GABRB1: variants seen among roughly 807,000 people sequenced by gnomAD.
GABRB1 encodes gamma-aminobutyric acid receptor subunit beta-1.
GABRB1 carries 17 observed loss-of-function variants against 51.6 expected under a neutral mutation model. The ratio of observed to expected loss-of-function variants is 0.33; its 90% CI spans 0.23 to 0.49. GABRB1 has a LOEUF of 0.49. Among genes scored for constraint, GABRB1 ranks in the 20% least tolerant of loss-of-function variants. The probability of loss-of-function intolerance (pLI) is 0.99; values close to 1 mark genes in which losing one functional copy is unlikely to be tolerated. For missense variants in GABRB1, 410 were observed against 600.6 expected, an observed-to-expected ratio of 0.68 and a Z score of 3.32; for synonymous variants, 247 against 218.9, an observed-to-expected ratio of 1.13 and a Z score of -1.14.
At chr4:47,418,985 A>C (rs1015333760) in intron 8 of GABRB1, among the ~76,000 whole-genome samples, 2 of 152,240 alleles carry the variant, frequency 1.3e-5, no homozygotes, top group African/African-American at 2.4e-5. Flanking sequence ...GCACAAAATC[A>C]CAAACTGGTC....
At chr4:47,353,420 ATTG>A (rs1456623146) in intron 5 of GABRB1, among the ~76,000 whole-genome samples, 10 of 152,224 alleles carry the variant, frequency 6.6e-5, no homozygotes, top group Middle Eastern at 6.3e-3. Context: ...TTGCTAACTT[ATTG>A]TTAAGGTAAA....
chr4:47,039,044 T>G (rs1474787714), intron 3 of GABRB1, among the ~76,000 whole-genome samples: 1 of 152,122 alleles, frequency 6.6e-6, no homozygotes, highest in Non-Finnish European at 1.5e-5. Flanking sequence ...ATAGTAGCAT[T>G]TAACAATCTA....
intron 3 of GABRB1, among the ~76,000 whole-genome samples, chr4:47,072,728 C>T: frequency 6.6e-6 from 1 of 152,040 alleles, no homozygotes; most frequent in East Asian, 1.9e-4. Flanking sequence ...TATCATGTGA[C>T]AAAATATAGA....
chr4:47,395,461 A>T (rs1453220600), intron 5 of GABRB1, among the ~76,000 whole-genome samples: 1 of 152,108 alleles, frequency 6.6e-6, no homozygotes, highest in Non-Finnish European at 1.5e-5. Flanking sequence ...ATCACCTCTC[A>T]CCAGGCCCCT....
intron 3 of GABRB1, among the ~76,000 whole-genome samples, chr4:47,112,341 G>A (rs956534852): frequency 5.3e-5 from 8 of 152,090 alleles, no homozygotes; most frequent in African/African-American, 9.7e-5. Flanking sequence ...TCCTGACCTC[G>A]TAATCCGACT....
chr4:47,311,991 C>T (rs1724704412), intron 4 of GABRB1, among the ~76,000 whole-genome samples: 1 of 151,676 alleles, frequency 6.6e-6, no homozygotes, highest in African/African-American at 2.4e-5. Context: ...GAAGTTCAGC[C>T]CCTTCCCAGT....
At chr4:47,185,955 G>A (rs1381981695) in intron 4 of GABRB1, among the ~76,000 whole-genome samples, 2 of 151,770 alleles carry the variant, frequency 1.3e-5, no homozygotes, top group African/African-American at 4.8e-5. Context: ...TCTGTCTCAT[G>A]GAGGAGTACC....
chr4:47,077,977 A>G (rs553058143), intron 3 of GABRB1, among the ~76,000 whole-genome samples: 2 of 37,858 alleles, frequency 5.3e-5, no homozygotes, highest in African/African-American at 2.5e-4. Context: ...TATTTTATAT[A>G]TAATATATAA....
intron 4 of GABRB1, among the ~76,000 whole-genome samples, chr4:47,296,298 G>A (rs976983673): frequency 1.1e-4 from 17 of 152,148 alleles, no homozygotes; most frequent in African/African-American, 3.6e-4. Flanking sequence ...GCTCCAATTA[G>A]AAGACACAGA....
At chr4:47,340,395 G>A (rs1212175590) in intron 5 of GABRB1, among the ~76,000 whole-genome samples, 1 of 151,912 alleles carries the variant, frequency 6.6e-6, no homozygotes, top group Non-Finnish European at 1.5e-5. Context: ...TCCAAATCTG[G>A]TGCTGTCTTA....
intron 4 of GABRB1, among the ~76,000 whole-genome samples, chr4:47,254,361 GTTTTTTTTTTTTTT>G (rs56838956): frequency 6.2e-5 from 5 of 80,968 alleles, no homozygotes; most frequent in South Asian, 4.2e-4. Context: ...TCTTTTCTTT[GTTTTTTTTTTTTTT>G]TTTTTTTTTT....
chr4:47,285,598 G>A (rs928665659), intron 4 of GABRB1, among the ~76,000 whole-genome samples: 1 of 152,132 alleles, frequency 6.6e-6, no homozygotes, highest in Non-Finnish European at 1.5e-5. Flanking sequence ...GCAGGAGTTG[G>A]TTCCTAGAGT....
At chr4:47,310,496 A>G (rs1445129481) in intron 4 of GABRB1, among the ~76,000 whole-genome samples, 1 of 152,162 alleles carries the variant, frequency 6.6e-6, no homozygotes, top group African/African-American at 2.4e-5. Context: ...TAAACTTTTA[A>G]TATTTGTGCT....
At chr4:47,236,083 T>G (rs1721324183) in intron 4 of GABRB1, among the ~76,000 whole-genome samples, 2 of 152,150 alleles carry the variant, frequency 1.3e-5, no homozygotes, top group Non-Finnish European at 2.9e-5. Context: ...TCAGATGTAG[T>G]CTGACAAGCA....
intron 3 of GABRB1, among the ~76,000 whole-genome samples, chr4:47,155,538 T>C (rs565312541): frequency 6.6e-6 from 1 of 152,100 alleles, no homozygotes; most frequent in African/African-American, 2.4e-5. Flanking sequence ...AGAAATATCC[T>C]GTCTCTTTCC....
At chr4:47,300,931 C>A (rs1724236288) in intron 4 of GABRB1, among the ~76,000 whole-genome samples, 1 of 152,086 alleles carries the variant, frequency 6.6e-6, no homozygotes, top group South Asian at 2.1e-4. Context: ...ATCTGTCACC[C>A]AAAGAGTATG....
chr4:47,131,724 G>T (rs1208052368), intron 3 of GABRB1, among the ~76,000 whole-genome samples: 1 of 152,050 alleles, frequency 6.6e-6, no homozygotes, highest in Non-Finnish European at 1.5e-5. Context: ...GGGTATTAGG[G>T]CCCAGTTTAT....
chr4:47,426,054 T>A lies in GABRB1; in HGVS notation c.*36T>A. The stretch of plus-strand genomic sequence containing the variant: ...AATGGTTCCATTTAGACTACTTTCC[T>A]CTTCTATTGTTTTTTAACCTTACAG... On this transcript the variant is annotated 3_prime_UTR_variant, in exon 9 of 9. Transcript: ENST00000295454. 6.8e-7 allele frequency: 1 copy of A among 1,477,698 alleles called. No individual in the cohort carries two copies. Among genetic ancestry groups the A allele is most frequent in the Non-Finnish European group, 9.1e-7 (1 of 1,099,154 alleles). 91.5% of individuals were successfully genotyped at this position (1,477,698 alleles called of 1,614,324 possible).
chr4:47,260,514 C>A (rs1191211097), intron 4 of GABRB1, among the ~76,000 whole-genome samples: 2 of 152,098 alleles, frequency 1.3e-5, no homozygotes, highest in Non-Finnish European at 2.9e-5. Context: ...TCTTTTAGGG[C>A]AGGCCTGGTG....
Sources: gnomAD v4.1 joint callset for allele counts (sites outside exome capture counted in the v4.1 genomes callset) on GRCh38, gnomAD v4.1.1 for gene constraint, MANE v1.5 for transcripts, NCBI Gene and HGNC (gene_info 2026-07-23, HGNC 2026-07-21) for gene names.